Variants in PCDHGB2 observed in about 807,000 individuals in gnomAD.
The protein encoded by PCDHGB2 is protocadherin gamma subfamily B, 2, also known as protocadherin gamma-B2.
Under a neutral mutation model 59.3 loss-of-function variants are expected in PCDHGB2, and 55 were observed. The observed-to-expected ratio is 0.93, with a 90% CI of 0.75 to 1.16. The LOEUF (loss-of-function observed/expected upper bound fraction) is 1.16. PCDHGB2 is among the 50% of genes most tolerant of loss of function. The pLI is 0.00. For synonymous variants in PCDHGB2, 516 were observed against 512.0 expected (o/e 1.01, Z -0.11); for missense variants, 1,228 against 1,198.5 (o/e 1.02, Z -0.36).
Position 141,491,885 on chromosome 5 carries a change from G to T in PCDHGB2, c.2422-2922G>T. On this transcript the variant is annotated intron_variant, in intron 1 of 3. Transcript: ENST00000522605. The surrounding 1 kb of genome is among the most constrained non-coding windows in gnomAD (Gnocchi z 6.9). ...ACCAGAGTGGCCGATTAAGGGATGG[G>T]GCTCCGAGCACCGGGGGTGGTGGCG... The T allele has an allele frequency of 6.9e-7, 1 of 1,445,748 alleles. No homozygotes were observed. Among genetic ancestry groups the T allele is most frequent in the Non-Finnish European group, 9.1e-7 (1 of 1,093,758 alleles). The allele number at this position is 1,445,748 out of a possible 1,614,324, so 89.6% of individuals were successfully genotyped here. A position where few individuals can be genotyped will look rare whatever the true frequency, so the allele number is the denominator to read the frequency against.
At position 141,404,686 on chromosome 5, in the gene PCDHGB2, A is replaced by G. The variant is rs1281158377; in HGVS notation, c.2421+42130A>G. On this transcript the variant is annotated intron_variant, in intron 1 of 3. Transcript: ENST00000522605. ...ATGGTTCTACTGGTGTGGAGCTGGC[A>G]CCCCGCTCTGCAGAGCCTGGCTACC... 4 of 1,613,710 alleles carry G rather than the reference A, an allele frequency of 2.5e-6. No individual in the cohort carries two copies. In the African/African-American group the frequency reaches 5.3e-5, roughly 22 times the overall value.
rs1331087585 is a variant in PCDHGB2 at position 141,365,757 on chromosome 5, C to G, written c.2421+3201C>G. 6 of 1,613,830 alleles carry G rather than the reference C, an allele frequency of 3.7e-6. No individual in the cohort carries two copies. The South Asian group carries it at 6.6e-5, about 18-fold the overall frequency. On this transcript the variant is annotated intron_variant, in intron 1 of 3. Transcript: ENST00000522605. ...GGTGTCTCTATCTTCTCTGTGACAG[C>G]CCATGACCCCGACAGCGGCGACAAC...
chr5:141,433,564 G>A (rs1380905062), intron 1 of PCDHGB2, among the ~76,000 whole-genome samples: 1 of 152,042 alleles, frequency 6.6e-6, no homozygotes, highest in Non-Finnish European at 1.5e-5. Flanking sequence ...GGCTGGGCGC[G>A]GTGGCTCACG....
rs557311426 is a variant in PCDHGB2, at chr5:141,384,226, G to T, written c.2421+21670G>T. 56 of 1,613,860 alleles carry T rather than the reference G, an allele frequency of 3.5e-5. No homozygotes were observed. In the East Asian group the frequency reaches 1.2e-3, roughly 34 times the overall value. ...GGAAACTCACATATTCATGCAGGTGGCAGACACCAACGATAACCCACCCAC... is the reference window on the plus strand; with the variant it reads ...GGAAACTCACATATTCATGCAGGTGTCAGACACCAACGATAACCCACCCAC... On this transcript the variant is annotated intron_variant, in intron 1 of 3. Coordinates refer to ENST00000522605, the MANE Select transcript of PCDHGB2 (RefSeq NM_018923.3).
rs376057952 is a variant in PCDHGB2 at position 141,417,907 on chromosome 5, A to G, written c.2421+55351A>G. On this transcript the variant is annotated intron_variant, in intron 1 of 3. Transcript: ENST00000522605. Reference sequence around the variant, plus strand: ...GGCGCCGGGCCGGCCCGCGGCAGGTACTATTTCCTTTGCTGCTGCCTTTGT... The same window carrying G: ...GGCGCCGGGCCGGCCCGCGGCAGGTGCTATTTCCTTTGCTGCTGCCTTTGT... The G allele has an allele frequency of 3.6e-4, 571 of 1,596,132 alleles. 2 individuals are homozygous for G. In the African/African-American group the frequency reaches 5.1e-3, roughly 14 times the overall value.
At chr5:141,384,225 G>A (rs757132379) in intron 1 of PCDHGB2, 1 of 1,613,856 alleles carries the variant, frequency 6.2e-7, no homozygotes, top group Non-Finnish European at 8.5e-7. Context: ...TCATGCAGGT[G>A]GCAGACACCA....
Position 141,361,035 on chromosome 5 carries a change from A to T in PCDHGB2, c.900A>T (p.Glu300Asp). 1 of 1,613,478 alleles carries T rather than the reference A, an allele frequency of 6.2e-7. No individual in the cohort carries two copies. Among genetic ancestry groups the T allele is most frequent in the South Asian group, 1.1e-5 (1 of 91,018 alleles). ...HFFNLNEKTG[E>D]ITTKDDLDFE... Reference sequence around the variant, plus strand: ...TCAACTTAAATGAAAAAACAGGAGAAATCACGACAAAGGATGATTTGGATT... The same window carrying T: ...TCAACTTAAATGAAAAAACAGGAGATATCACGACAAAGGATGATTTGGATT... The change falls in exon 1 of 4, where the codon GAA becomes GAT. Residue 300 changes from glutamate (E) to aspartate (D), a missense_variant. By Grantham distance (45) the Glu-to-Asp change is conservative. Transcript: ENST00000522605.
At chr5:141,496,164 C>T (rs745320704) in intron 2 of PCDHGB2, among the ~76,000 whole-genome samples, 1 of 152,084 alleles carries the variant, frequency 6.6e-6, no homozygotes, top group Non-Finnish European at 1.5e-5. Context: ...CCACCAGACA[C>T]CCTCCCATCC....
At chr5:141,420,208 A>G (rs1396340813) in intron 1 of PCDHGB2, 1 of 1,612,970 alleles carries the variant, frequency 6.2e-7, no homozygotes, top group Non-Finnish European at 8.5e-7. Flanking sequence ...ACCTCAACAA[A>G]GATAGCATGC....
chr5:141,433,234 C>T (rs773942024), intron 1 of PCDHGB2: 3 of 1,512,746 alleles, frequency 2.0e-6, no homozygotes, highest in Middle Eastern at 1.8e-4. Flanking sequence ...TGCTCTGTCT[C>T]CCAAGCTGGA....
intron 1 of PCDHGB2, chr5:141,364,212 A>G (rs925277605): frequency 8.0e-7 from 1 of 1,252,414 alleles, no homozygotes; most frequent in African/African-American, 1.5e-5. Context: ...ACAAGCTCCT[A>G]CGAAAAGCCA....
In PCDHGB2 at chr5:141,375,892, G is replaced by C. The variant is rs753797132; in HGVS notation, c.2421+13336G>C. On this transcript the variant is annotated intron_variant, in intron 1 of 3. Transcript: ENST00000522605. ...ACAGAGACTCGGGCCAGAACGCCTG[G>C]CTGTCCTACCGCCTGCTCAAGGCCA... is the stretch of plus-strand genomic sequence containing the variant. 5 of 1,613,676 alleles carry C rather than the reference G, an allele frequency of 3.1e-6. No individual in the cohort carries two copies. In the Admixed American group the frequency reaches 8.3e-5, roughly 27 times the overall value.
At chr5:141,364,423 C>A (rs773799474) in intron 1 of PCDHGB2, 1 of 1,613,592 alleles carries the variant, frequency 6.2e-7, no homozygotes, top group Non-Finnish European at 8.5e-7. Context: ...CCGGGCAGAT[C>A]CGCTACTCGA....
intron 1 of PCDHGB2, among the ~76,000 whole-genome samples, chr5:141,470,205 G>T (rs934926584): frequency 6.6e-6 from 1 of 152,094 alleles, no homozygotes; most frequent in Non-Finnish European, 1.5e-5. Flanking sequence ...AAATATGAAG[G>T]CTAAACCATT....
chr5:141,473,238 G>A (rs1265577738), intron 1 of PCDHGB2, among the ~76,000 whole-genome samples: 4 of 152,200 alleles, frequency 2.6e-5, no homozygotes, highest in Admixed American at 6.5e-5. Context: ...ATCCACACAA[G>A]TGAATACATA....
rs1178694648 is a variant in PCDHGB2 at position 141,361,235 on chromosome 5, C to T, written c.1100C>T (p.Ala367Val). ...GATTCGCCACCAGGAACAGTGATCG[C>T]CTTGATAAAAACGAGAGACAGAGAC... ...PEDSPPGTVI[A>V]LIKTRDRDSG... Residue 367 changes from alanine to valine, a missense_variant, in exon 1 of 4, where the codon GCC becomes GTC. Transcript: ENST00000522605. 1.2e-6 allele frequency: 2 copies of T among 1,613,774 alleles called. No individual in the cohort carries two copies. Among genetic ancestry groups the T allele is most frequent in the African/African-American group, 1.3e-5 (1 of 74,878 alleles).
chr5:141,412,827 A>G (rs977931124), intron 1 of PCDHGB2, among the ~76,000 whole-genome samples: 2 of 152,236 alleles, frequency 1.3e-5, no homozygotes, highest in Non-Finnish European at 2.9e-5. Context: ...ATAGTAAATT[A>G]TTTAAAGATA....
intron 1 of PCDHGB2, chr5:141,365,132 G>T: frequency 1.9e-6 from 3 of 1,613,884 alleles, no homozygotes; most frequent in Admixed American, 1.7e-5. Flanking sequence ...AACCGCCACG[G>T]ATCCAGATGA....
chr5:141,414,995 G>C (rs1431326081), intron 1 of PCDHGB2: 14 of 1,613,640 alleles, frequency 8.7e-6, no homozygotes, highest in Non-Finnish European at 1.2e-5. Context: ...CAGAACGCCT[G>C]GCTGTCCTAC....
Sources: allele counts gnomAD v4.1 joint callset (sites outside exome capture counted in the v4.1 genomes callset), GRCh38; gene constraint gnomAD v4.1.1; non-coding constraint Gnocchi (gnomAD v3.1); transcripts MANE v1.5; gene names NCBI Gene and HGNC (gene_info 2026-07-23, HGNC 2026-07-21).